The following DGKQ variants were observed in gnomAD, a reference collection of about 807,000 sequenced individuals.
DGKQ encodes the protein diacylglycerol kinase theta.
Under a neutral mutation model 104.2 loss-of-function variants are expected in DGKQ, and 97 were observed. The observed-to-expected ratio is 0.93, with a 90% CI of 0.79 to 1.10. The LOEUF is 1.10. Ranked by LOEUF, DGKQ falls within the 50% of genes least tolerant of loss-of-function variation. The pLI is 0.00. For synonymous variants in DGKQ, 736 were observed against 595.2 expected (o/e 1.24, Z -3.44); for missense variants, 1,465 against 1,352.1 (o/e 1.08, Z -1.31).
At chr4:961,016 C>A in intron 22 of DGKQ, 33 bp downstream of exon 22, 1 of 1,608,214 alleles carries the variant, frequency 6.2e-7, no homozygotes, top group Non-Finnish European at 8.5e-7. Flanking sequence ...GCCCGGCCCA[C>A]CTCCCCTGGC....
intron 22 of DGKQ, 131 bp from the exon 23 acceptor site, chr4:960,852 C>A: frequency 6.8e-7 from 1 of 1,481,032 alleles, no homozygotes; most frequent in Admixed American, 2.2e-5. Flanking sequence ...GGGGAGGGAC[C>A]TGTCTGGCTG....
rs758373802 is a variant in DGKQ at position 961,937 on chromosome 4, G to A, written c.2315+45C>T. 1.1e-5 allele frequency: 18 copies of A among 1,610,494 alleles called. No individual in the cohort carries two copies. In the East Asian group the frequency reaches 3.3e-4, roughly 30 times the overall value. ...TGCCTGTTCCTGCTGGGGGACCTGA[G>A]GGAGGTATGCCGTTGACAGGTGGTA... On this transcript the variant is annotated intron_variant, in intron 19 of 22. Transcript: ENST00000273814.
At chr4:961,867 G>A (rs1711914066) in intron 19 of DGKQ, 33 bp from the exon 20 acceptor site, 1 of 1,593,306 alleles carries the variant, frequency 6.3e-7, no homozygotes, top group Non-Finnish European at 8.6e-7. Context: ...CATCACCAGG[G>A]GAAGCCCTAC....
chr4:969,970 T>C (rs1046237767), intron 2 of DGKQ, among the ~76,000 whole-genome samples: 3 of 152,238 alleles, frequency 2.0e-5, no homozygotes, highest in Non-Finnish European at 2.9e-5. Context: ...ACTTATATTT[T>C]CCCAATTTAG....
At chr4:966,713 G>A (rs1310549021) in intron 11 of DGKQ, 35 bp downstream of exon 11, 1 of 1,590,938 alleles carries the variant, frequency 6.3e-7, no homozygotes, top group Non-Finnish European at 8.6e-7. Context: ...AAAAGGTGCA[G>A]GGACCGCCAC....
chr4:961,307 C>T lies in DGKQ; in HGVS notation c.2575-106G>A, dbSNP rs1043505067. ...GCCGAGCAGGGACCAGGGACGCCCA[C>T]CCTGGACCTGGCCCTGGGGCGGGAG... On this transcript the variant is annotated intron_variant, in intron 21 of 22. Transcript: ENST00000273814. 4.6e-5 allele frequency: 59 copies of T among 1,274,452 alleles called. 1 individual carries two copies. In the East Asian group the frequency reaches 9.5e-4, roughly 20 times the overall value. The allele number at this position is 1,274,452 out of a possible 1,614,324, so 78.9% of individuals were successfully genotyped here.
rs749949279 is a variant in DGKQ at position 966,016 on chromosome 4, C to T, written c.1491G>A (p.Pro497=). The T allele has an allele frequency of 1.5e-4, 248 of 1,604,764 alleles. No individual in the cohort carries two copies. The highest frequency in any genetic ancestry group is 2.5e-4 in the South Asian group (22 of 89,288). ...GGCCGCCAACAAACAGGGAGACGTG[C>T]GGGGCTACATCCCTGCTCTCTGCCA... ...FYVAESRDVA[P]HVSLFVGGLP... The change falls in exon 13 of 23, where the codon CCG becomes CCA. Residue 497 remains proline (P), a synonymous_variant. Transcript: ENST00000273814.
rs755713610 is a variant in DGKQ at position 962,026 on chromosome 4, G to A, written c.2271C>T (p.Asp757=). Residue 757 remains aspartate, a synonymous_variant, in exon 19 of 23, where the codon GAC becomes GAT. Coordinates refer to ENST00000273814, the MANE Select transcript of DGKQ (RefSeq NM_001347.4). The part of the protein sequence containing the change: ...GIGIDAELSL[D]FHQAREEEPG... ...GCTCCTCTTCCCGTGCCTGGTGGAA[G>A]TCCAGGCTCAGCTCCGCGTCGATGC... is the stretch of plus-strand genomic sequence containing the variant. 7 of 1,613,152 alleles carry A rather than the reference G, an allele frequency of 4.3e-6. No homozygotes were observed. In the South Asian group the frequency reaches 6.6e-5, roughly 15 times the overall value.
chr4:965,841 A>C, intron 13 of DGKQ, 87 bp downstream of exon 13: 5 of 1,405,478 alleles, frequency 3.6e-6, no homozygotes, highest in Non-Finnish European at 4.8e-6. Context: ...AAGGAGAGGC[A>C]GGAGCCGGCT....
At chr4:966,916 C>A (rs769947631) in intron 10 of DGKQ, 48 bp downstream of exon 10, 49 of 1,543,772 alleles carry the variant, frequency 3.2e-5, no homozygotes, top group South Asian at 1.7e-4. Context: ...GGGACAGCGA[C>A]CCCCCACCGA....
In DGKQ at chr4:967,639, C is replaced by T. The variant is rs768767097; in HGVS notation, c.897G>A (p.Thr299=). The part of the protein sequence containing the change: ...TQATPESGKQ[T]LKIFDGDDAV... ...CGTCGTCGCCATCAAAGATCTTCAGCGTTTGCTTCCCTGGGCCGGGTAAGC... is the reference window on the plus strand; with the variant it reads ...CGTCGTCGCCATCAAAGATCTTCAGTGTTTGCTTCCCTGGGCCGGGTAAGC... Residue 299 remains threonine (T), a synonymous_variant, in exon 8 of 23, where the codon ACG becomes ACA. Transcript: ENST00000273814. 10 of 1,612,604 alleles carry T rather than the reference C, an allele frequency of 6.2e-6. No homozygotes were observed. Among genetic ancestry groups the T allele is most frequent in the Admixed American group, 5.0e-5 (3 of 59,998 alleles).
chr4:960,995 T>C (rs1711842743), intron 22 of DGKQ, 54 bp downstream of exon 22: 4 of 1,597,736 alleles, frequency 2.5e-6, no homozygotes, highest in Non-Finnish European at 3.4e-6. Flanking sequence ...GCCACTCCCA[T>C]GGCCGGCCCA....
At position 967,676 on chromosome 4, in the gene DGKQ, C is replaced by T. The variant is rs760167600; in HGVS notation, c.887-27G>A. ...TGGGCCGGGTAAGCTCCGTGAGTCC[C>T]GGGCGCCCGGGGGACCTCAGTGGAG... is the stretch of plus-strand genomic sequence containing the variant. On this transcript the variant is annotated intron_variant, in intron 7 of 22. Transcript: ENST00000273814. The T allele has an allele frequency of 1.2e-5, 20 of 1,612,282 alleles. No individual in the cohort carries two copies. In the South Asian group the frequency reaches 1.5e-4, roughly 12 times the overall value.
rs964013563 is a variant in DGKQ at position 964,235 on chromosome 4, C to T, written c.1734+941G>A. ...CCAGGCAAGGCCGGGTGTAGGGGCACAGGAGGGAGGCATAGCAGGGAGCCA... is the reference window on the plus strand; with the variant it reads ...CCAGGCAAGGCCGGGTGTAGGGGCATAGGAGGGAGGCATAGCAGGGAGCCA... On this transcript the variant is annotated intron_variant, in intron 15 of 22. Transcript: ENST00000273814. 8.4e-5 allele frequency: 13 copies of T among 154,460 alleles called. No homozygotes were observed. The Middle Eastern group carries it at 2.3e-3, about 27-fold the overall frequency. 9.6% of individuals were successfully genotyped at this position (154,460 alleles called of 1,614,324 possible).
rs75063152 is a variant in DGKQ at position 964,799 on chromosome 4, G to A, written c.1734+377C>T. Among the ~76,000 whole-genome samples, 284 of 152,272 alleles carry A rather than the reference G, an allele frequency of 1.9e-3. 2 individuals carry two copies. Among genetic ancestry groups the A allele is most frequent in the African/African-American group, 6.4e-3 (265 of 41,568 alleles). ...TCACAAACACGCTCTGGCCCTTGGC[G>A]AGGCAGCCGCAGCGGGGCCCGGCAC... is the stretch of plus-strand genomic sequence containing the variant. On this transcript the variant is annotated intron_variant, in intron 15 of 22. Coordinates refer to ENST00000273814, the MANE Select transcript of DGKQ (RefSeq NM_001347.4).
rs779782048 is a variant in DGKQ, at chr4:968,390, G to C, written c.555C>G (p.His185Gln). ...GHQDHDTHHH[H>Q]WREGNLPSGA... Reference sequence around the variant, plus strand: ...CCGAGGGCAGGTTCCCCTCCCGCCAGTGGTGGTGATGGGTGTCCTGCAGAG... The same window carrying C: ...CCGAGGGCAGGTTCCCCTCCCGCCACTGGTGGTGATGGGTGTCCTGCAGAG... Residue 185 changes from histidine to glutamine, a missense_variant, in exon 5 of 23, where the codon CAC (histidine) becomes CAG (glutamine). Physicochemically the swap from His to Gln is conservative, Grantham distance 24 (BLOSUM62 0). Coordinates refer to ENST00000273814, the MANE Select transcript of DGKQ (RefSeq NM_001347.4). 2 of 1,573,784 alleles carry C rather than the reference G, an allele frequency of 1.3e-6. No homozygotes were observed. Among genetic ancestry groups the C allele is most frequent in the South Asian group, 2.3e-5 (2 of 86,452 alleles).
At position 962,543 on chromosome 4, in the gene DGKQ, C is replaced by G; in HGVS notation, c.2106G>C (p.Leu702=). 5.0e-6 allele frequency: 8 copies of G among 1,610,504 alleles called. No individual in the cohort carries two copies. Among genetic ancestry groups the G allele is most frequent in the South Asian group, 1.1e-5 (1 of 91,088 alleles). Residue 702 remains leucine (L), a synonymous_variant, in exon 18 of 23, where the codon CTG becomes CTC. Coordinates refer to ENST00000273814, the MANE Select transcript of DGKQ (RefSeq NM_001347.4). ...YSGEDPFSVL[L]SVDEADAVLM... Reference sequence around the variant, plus strand: ...GCACGGCGTCGGCCTCGTCCACAGACAGCAGTACGGAGAACGGGTCCTCGC... The same window carrying G: ...GCACGGCGTCGGCCTCGTCCACAGAGAGCAGTACGGAGAACGGGTCCTCGC...
At chr4:969,025 A>C (rs1712712076) in intron 2 of DGKQ, 115 bp from the exon 3 acceptor site, 1 of 669,086 alleles carries the variant, frequency 1.5e-6, no homozygotes, top group Non-Finnish European at 2.5e-6. Flanking sequence ...AGAACTGCCC[A>C]GGCTGAGCCA....
chr4:960,676 T>C lies in DGKQ; in HGVS notation c.2773A>G (p.Thr925Ala). The change falls in exon 23 of 23, where the codon ACC becomes GCC. Residue 925 changes from threonine to alanine, a missense_variant. Physicochemically the swap from Thr to Ala is moderately conservative, Grantham distance 58. Coordinates refer to ENST00000273814, the MANE Select transcript of DGKQ (RefSeq NM_001347.4). ...KAKQKPRRAG[T>A]TRDARADAAP... is the part of the protein sequence containing the mutation. ...GCATCCGCCCGGGCATCCCTGGTGG[T>C]CCCGGCCCTCCTCGGCTTCTGCTTG... 4 of 1,612,198 alleles carry C rather than the reference T, an allele frequency of 2.5e-6. No homozygotes were observed. Among genetic ancestry groups the C allele is most frequent in the Non-Finnish European group, 3.4e-6 (4 of 1,179,776 alleles).
Sources: gnomAD v4.1 joint callset for allele counts (sites outside exome capture counted in the v4.1 genomes callset) on GRCh38, gnomAD v4.1.1 for gene constraint, MANE v1.5 for transcripts, NCBI Gene and HGNC (gene_info 2026-07-23, HGNC 2026-07-21) for gene names.